Variants in TRPV1 observed in about 807,000 individuals in gnomAD.
The protein encoded by TRPV1 is transient receptor potential cation channel subfamily V member 1.
Under a neutral mutation model 82.3 loss-of-function variants are expected in TRPV1, and 82 were observed. The ratio of observed to expected loss-of-function variants is 1.00; its 90% CI spans 0.83 to 1.20. The LOEUF is 1.20. TRPV1 is among the 50% of genes most tolerant of loss of function. The pLI is 0.00. For missense variants in TRPV1, 1,067 were observed against 1,096.8 expected (o/e 0.97, Z 0.38); for synonymous variants, 515 against 467.7 (o/e 1.10, Z -1.30).
At chr17:3,571,292 C>T (rs17632971) in intron 16 of TRPV1, among the ~76,000 whole-genome samples, 10,249 of 152,234 alleles carry the variant, frequency 0.067, 507 homozygotes, top group African/African-American at 0.13. Flanking sequence ...GCACAGCCGC[C>T]TGCACGGGCC....
At chr17:3,592,565 C>G in intron 2 of TRPV1, 182 bp from the exon 3 acceptor site, 2 of 643,002 alleles carry the variant, frequency 3.1e-6, no homozygotes, top group Non-Finnish European at 5.3e-6. Context: ...CCAGAGGCCT[C>G]AGAGGTGAGC....
intron 16 of TRPV1, 105 bp from the exon 17 acceptor site, chr17:3,567,092 T>C (rs1203366664): frequency 1.5e-6 from 2 of 1,335,790 alleles, no homozygotes; most frequent in Non-Finnish European, 2.0e-6. Flanking sequence ...GCACGATGGC[T>C]CATGCCTGTA....
rs978767221 is a variant in TRPV1, at chr17:3,591,185, A to G, written c.451+2T>C. ...CCTCCCCGAGCCCAGCGCTGGGGCCACCTTTGAACTCGTTGTCTGTGAGGT... is the reference window on the plus strand; with the variant it reads ...CCTCCCCGAGCCCAGCGCTGGGGCCGCCTTTGAACTCGTTGTCTGTGAGGT... On this transcript the variant is annotated splice_donor_variant, in intron 4 of 16. Transcript: ENST00000572705. LOFTEE classifies it high-confidence loss of function. 2 of 1,609,202 alleles carry G rather than the reference A, an allele frequency of 1.2e-6. No individual in the cohort carries two copies. Among genetic ancestry groups the G allele is most frequent in the Non-Finnish European group, 1.7e-6 (2 of 1,177,920 alleles).
At chr17:3,588,789 G>A in intron 7 of TRPV1, 1 of 951,188 alleles carries the variant, frequency 1.1e-6, no homozygotes, top group East Asian at 2.7e-5. Context: ...TCTCCAGCCT[G>A]GGCAACAAGA....
At chr17:3,572,019 G>A (rs1354462400) in intron 15 of TRPV1, 103 bp downstream of exon 15, 1 of 1,452,070 alleles carries the variant, frequency 6.9e-7, no homozygotes, top group Non-Finnish European at 9.3e-7. Flanking sequence ...AGAGCCCCCT[G>A]TGCTCATGAC....
At chr17:3,567,882 C>G (rs747380839) in intron 16 of TRPV1, among the ~76,000 whole-genome samples, 2 of 152,174 alleles carry the variant, frequency 1.3e-5, no homozygotes, top group Non-Finnish European at 2.9e-5. Context: ...GCCACTGGGT[C>G]AATGTCTTTA....
Position 3,565,926 on chromosome 17 carries a change from C to CT in TRPV1, c.*888dup, listed in dbSNP as rs2074754984. The CT allele has an allele frequency of 6.6e-6, 1 of 152,190 alleles. No homozygotes were observed. The highest frequency in any genetic ancestry group is 1.5e-5 in the Non-Finnish European group (1 of 68,034). 9.4% of individuals were successfully genotyped at this position (152,190 alleles called of 1,614,324 possible). Reference sequence around the variant, plus strand: ...GCGGCTCACACCTGTAATCCCAGCACTTTGGGAGGCCAAGGCGGGCAGATC... The same window carrying CT: ...GCGGCTCACACCTGTAATCCCAGCACTTTTGGGAGGCCAAGGCGGGCAGATC... On this transcript the variant is annotated 3_prime_UTR_variant, in exon 17 of 17. Transcript: ENST00000572705.
In TRPV1 at chr17:3,594,370, A is replaced by C. The variant is rs577002774; in HGVS notation, c.-33-1987T>G. 4.6e-5 allele frequency among the ~76,000 whole-genome samples: 7 copies of C among 151,534 alleles called. No homozygotes were observed. In the East Asian group the frequency reaches 1.4e-3, roughly 29 times the overall value. On this transcript the variant is annotated intron_variant, in intron 2 of 16. Transcript: ENST00000572705. ...ATATAATCAGGCAATCTCCCAAGCC[A>C]GAATGGCTCAGAGAGACTCCCAAGT...
chr17:3,577,104 C>G (rs200129356), intron 13 of TRPV1, 22 bp downstream of exon 13: 2 of 1,571,486 alleles, frequency 1.3e-6, no homozygotes, highest in Admixed American at 1.9e-5. Context: ...TGCCCTCCCC[C>G]AGCGCTGACC....
chr17:3,603,434 G>A (rs2075277895), intron 2 of TRPV1, among the ~76,000 whole-genome samples: 1 of 152,210 alleles, frequency 6.6e-6, no homozygotes, highest in Admixed American at 6.5e-5. Flanking sequence ...GACCTTGGAT[G>A]GAAGAGGCCC....
At chr17:3,578,104 G>A (rs934971232) in intron 11 of TRPV1, 7 of 184,644 alleles carry the variant, frequency 3.8e-5, no homozygotes, top group Non-Finnish European at 7.0e-5. Context: ...GGAGTTCGAG[G>A]CCAGCCTGAC....
chr17:3,568,574 C>T (rs1399192502), intron 16 of TRPV1, among the ~76,000 whole-genome samples: 5 of 152,098 alleles, frequency 3.3e-5, no homozygotes, highest in African/African-American at 9.7e-5. Flanking sequence ...AATAGATTTT[C>T]GCTTCCAGCT....
intron 2 of TRPV1, among the ~76,000 whole-genome samples, chr17:3,599,632 C>CTTTTTTTTTTT (rs34701684): frequency 6.4e-5 from 9 of 141,566 alleles, no homozygotes; most frequent in African/African-American, 2.4e-4. Flanking sequence ...TTTTTCTTTT[C>CTTTTTTTTTTT]TTTTTTTTTT....
chr17:3,576,668 A>AAAT, intron 13 of TRPV1, among the ~76,000 whole-genome samples: 494 of 38,392 alleles, frequency 0.013, 10 homozygotes, highest in Non-Finnish European at 0.022. Context: ...AAAAAAAAAA[A>AAAT]ATATATATAT....
chr17:3,565,840 T>A lies in TRPV1; in HGVS notation c.*975A>T, dbSNP rs1329222616. Reference sequence around the variant, plus strand: ...AAGGAAGAGTTTGTTCCCAAAGGTGTTTTCCTGGGCTTCATTTACTTTTGC... The same window carrying A: ...AAGGAAGAGTTTGTTCCCAAAGGTGATTTCCTGGGCTTCATTTACTTTTGC... On this transcript the variant is annotated 3_prime_UTR_variant, in exon 17 of 17. Transcript: ENST00000572705. 6.6e-6 allele frequency: 1 copy of A among 152,174 alleles called. No individual in the cohort carries two copies. Among genetic ancestry groups the A allele is most frequent in the Non-Finnish European group, 1.5e-5 (1 of 68,072 alleles). 9.4% of individuals were successfully genotyped at this position (152,174 alleles called of 1,614,324 possible).
intron 2 of TRPV1, among the ~76,000 whole-genome samples, chr17:3,595,402 TCAG>T (rs2075210300): frequency 6.6e-6 from 1 of 152,014 alleles, no homozygotes; most frequent in African/African-American, 2.4e-5. Flanking sequence ...GGGCTCTTTC[TCAG>T]CAGTTCAACT....
chr17:3,577,468 A>T (rs1362095582), intron 12 of TRPV1, 130 bp downstream of exon 12: 1 of 1,253,898 alleles, frequency 8.0e-7, no homozygotes, highest in Non-Finnish European at 1.1e-6. Context: ...ATTCTTGGAA[A>T]ATAGGCTGGG....
At chr17:3,607,061 T>A (rs1172621630) in intron 2 of TRPV1, among the ~76,000 whole-genome samples, 10 of 152,080 alleles carry the variant, frequency 6.6e-5, no homozygotes, top group Non-Finnish European at 1.5e-5. Context: ...AAAATTACAG[T>A]AGCAGGCCAG....
intron 2 of TRPV1, among the ~76,000 whole-genome samples, chr17:3,599,933 A>G (rs1159162982): frequency 6.6e-6 from 1 of 152,098 alleles, no homozygotes; most frequent in Non-Finnish European, 1.5e-5. Context: ...TTCCTTTTTA[A>G]GGCTGAGTAA....
Sources: gnomAD v4.1 joint callset for allele counts (sites outside exome capture counted in the v4.1 genomes callset) on GRCh38, gnomAD v4.1.1 for gene constraint, MANE v1.5 for transcripts, NCBI Gene and HGNC (gene_info 2026-07-23, HGNC 2026-07-21) for gene names.